The following ARAP2 variants were observed in gnomAD, a reference collection of about 807,000 sequenced individuals.
ARAP2 encodes the protein arf-GAP with Rho-GAP domain, ANK repeat and PH domain-containing protein 2.
ARAP2 carries 148 observed loss-of-function variants against 194.5 expected under a neutral mutation model. The observed-to-expected ratio is 0.76, with a 90% confidence interval of 0.67 to 0.87. ARAP2 has a LOEUF of 0.87. Ranked by LOEUF, ARAP2 falls within the 40% of genes least tolerant of loss-of-function variation. The pLI, the probability that ARAP2 is intolerant of heterozygous loss-of-function variation, is 0.00. For missense variants in ARAP2, 2,128 were observed against 1,989.7 expected, an observed-to-expected ratio of 1.07 and a Z score of -1.32; for synonymous variants, 695 against 683.5, an observed-to-expected ratio of 1.02 and a Z score of -0.26.
chr4:36,242,728 C>T (rs1753755577), intron 1 of ARAP2, among the ~76,000 whole-genome samples: 1 of 152,122 alleles, frequency 6.6e-6, no homozygotes, highest in Non-Finnish European at 1.5e-5. Context: ...TCAGCTTCTC[C>T]TTTTACAGAC....
rs1746524703 is a variant in ARAP2, at chr4:36,210,523, G to A, written c.1354C>T (p.Pro452Ser). The A allele has an allele frequency of 6.2e-7, 1 of 1,613,940 alleles. No homozygotes were observed. Among genetic ancestry groups the A allele is most frequent in the African/African-American group, 1.3e-5 (1 of 75,028 alleles). The change falls in exon 6 of 33, where the codon CCG becomes TCG. Residue 452 changes from proline (P) to serine (S), a missense_variant. Pro to Ser is a moderately conservative substitution (Grantham distance 74, BLOSUM62 -1). Coordinates refer to ENST00000303965, the MANE Select transcript of ARAP2 (RefSeq NM_015230.4). ...ILDSVNRHSY[P>S]LSSTSGNADS... ...GCATTTCCACTTGTTGAGCTTAACG[G>A]ATAACTGTGCCTATTAACGGAGTCC...
At chr4:36,040,074 A>G (rs1720588600) in intron 5 of ARAP2, among the ~76,000 whole-genome samples, 1 of 152,206 alleles carries the variant, frequency 6.6e-6, no homozygotes, top group African/African-American at 2.4e-5. Flanking sequence ...TGTGTACTCT[A>G]TGATTGCCCC....
Position 36,170,429 on chromosome 4 carries a change from G to A in ARAP2, c.1858-3382C>T, listed in dbSNP as rs540937836. Among the ~76,000 whole-genome samples the A allele has an allele frequency of 1.2e-4, 18 of 152,152 alleles. No individual in the cohort carries two copies. In the South Asian group the frequency reaches 3.1e-3, roughly 26 times the overall value. On this transcript the variant is annotated intron_variant, in intron 9 of 32. Coordinates refer to ENST00000303965, the MANE Select transcript of ARAP2 (RefSeq NM_015230.4). ...ATAGTGAGACCCTGTCTCTACAAAC[G>A]AAAACCAAAAAGACTCCATTTTATC... is the stretch of plus-strand genomic sequence containing the variant.
At chr4:36,169,741 C>T (rs1291436213) in intron 9 of ARAP2, among the ~76,000 whole-genome samples, 1 of 152,096 alleles carries the variant, frequency 6.6e-6, no homozygotes, top group African/African-American at 2.4e-5. Context: ...ACCATGTTGG[C>T]CAAGATGGTC....
chr4:36,116,977 A>G, intron 25 of ARAP2, 84 bp downstream of exon 25: 1 of 847,060 alleles, frequency 1.2e-6, no homozygotes, highest in Non-Finnish European at 1.7e-6. Context: ...ATAAAATATA[A>G]TAATGGAAAA....
chr4:36,021,695 T>C (rs1490196716), intron 5 of ARAP2, among the ~76,000 whole-genome samples: 1 of 152,178 alleles, frequency 6.6e-6, no homozygotes, highest in East Asian at 1.9e-4. Flanking sequence ...AGGTATTTTT[T>C]AATAGCAATG....
At chr4:36,133,444 T>C (rs1227208877) in intron 19 of ARAP2, 55 bp from the exon 20 acceptor site, 3 of 1,491,438 alleles carry the variant, frequency 2.0e-6, no homozygotes, top group African/African-American at 1.4e-5. Flanking sequence ...AAAAAAAATC[T>C]TACTCCAAGA....
intron 26 of ARAP2, among the ~76,000 whole-genome samples, chr4:36,111,086 G>T (rs575499929): frequency 7.5e-4 from 114 of 151,842 alleles, no homozygotes; most frequent in African/African-American, 2.7e-3. Context: ...GAGAACTCCT[G>T]GTTTAAAATA....
chr4:36,148,459 T>C lies in ARAP2; in HGVS notation c.2946A>G (p.Leu982=), dbSNP rs766878004. The C allele has an allele frequency of 1.2e-6, 2 of 1,613,230 alleles. No individual in the cohort carries two copies. Among genetic ancestry groups the C allele is most frequent in the Admixed American group, 3.3e-5 (2 of 59,950 alleles). Residue 982 remains leucine (L), a synonymous_variant, in exon 17 of 33, where the codon TTA becomes TTG. Transcript: ENST00000303965. ...GAGCTTGAGATGTTTCAGCTCCAAATAAAAACACACGTTCGGAGGGTAAGT... is the reference window on the plus strand; with the variant it reads ...GAGCTTGAGATGTTTCAGCTCCAAACAAAAACACACGTTCGGAGGGTAAGT... ...EIYLPSERVF[L]FGAETSQAQR...
intron 9 of ARAP2, among the ~76,000 whole-genome samples, chr4:36,176,515 C>G (rs992283014): frequency 6.6e-6 from 1 of 152,152 alleles, no homozygotes; most frequent in African/African-American, 2.4e-5. Flanking sequence ...GTCTTGCTAT[C>G]AGGTCTATGC....
At chr4:36,214,898 T>C (rs1747567788) in intron 2 of ARAP2, among the ~76,000 whole-genome samples, 1 of 152,196 alleles carries the variant, frequency 6.6e-6, no homozygotes, top group Admixed American at 6.5e-5. Context: ...TAGCTTTTTG[T>C]CTTTAGCTTT....
intron 27 of ARAP2, among the ~76,000 whole-genome samples, chr4:36,107,242 T>C (rs1718645016): frequency 6.6e-6 from 1 of 151,982 alleles, no homozygotes. Context: ...TAAATGTAAT[T>C]CACAGAGATG....
chr4:36,071,418 G>C (rs533974715), intron 32 of ARAP2, among the ~76,000 whole-genome samples: 1 of 152,260 alleles, frequency 6.6e-6, no homozygotes, highest in African/African-American at 2.4e-5. Flanking sequence ...CTCTTCATGT[G>C]TGATTTCCTC....
In ARAP2 at chr4:36,187,509, G is replaced by A. The variant is rs2109892346; in HGVS notation, c.1620C>T (p.Asp540=). The change falls in exon 8 of 33, where the codon GAC becomes GAT. Residue 540 remains aspartate, a synonymous_variant. Coordinates refer to ENST00000303965, the MANE Select transcript of ARAP2 (RefSeq NM_015230.4). ...GTGTTGTAACAACTTCAAATTTGTTGTCTCCTTGAACTCGTACTGTTGATA... is the reference window on the plus strand; with the variant it reads ...GTGTTGTAACAACTTCAAATTTGTTATCTCCTTGAACTCGTACTGTTGATA... ...SAISTVRVQG[D]NKFEVVTTQR... is the part of the protein sequence containing the mutation. 1 of 1,547,598 alleles carries A rather than the reference G, an allele frequency of 6.5e-7. No homozygotes were observed. The highest frequency in any genetic ancestry group is 2.3e-5 in the East Asian group (1 of 43,268).
At chr4:36,048,808 C>T (rs932192294) in intron 3 of ARAP2, among the ~76,000 whole-genome samples, 19 of 152,078 alleles carry the variant, frequency 1.2e-4, no homozygotes, top group Non-Finnish European at 2.2e-4. Context: ...CAATTAATTA[C>T]ATTAATTGAA....
At chr4:36,224,818 AT>A (rs1420419800) in intron 2 of ARAP2, among the ~76,000 whole-genome samples, 18 of 152,160 alleles carry the variant, frequency 1.2e-4, no homozygotes, top group Admixed American at 9.8e-4. Flanking sequence ...AAATGTTAAG[AT>A]TGCTAAGTAT....
chr4:36,054,145 C>G (rs1027362673), intron 2 of ARAP2, among the ~76,000 whole-genome samples: 2 of 152,176 alleles, frequency 1.3e-5, no homozygotes, highest in African/African-American at 4.8e-5. Context: ...GCCACTATAA[C>G]TGCTGGAATG....
chr4:36,162,040 G>GGA (rs1443766870), intron 11 of ARAP2, among the ~76,000 whole-genome samples: 2 of 151,274 alleles, frequency 1.3e-5, no homozygotes, highest in Non-Finnish European at 2.9e-5. Flanking sequence ...CCCGGGAGGC[G>GGA]GAGCTTGCAG....
Position 36,009,756 on chromosome 4 carries a change from T to C in ARAP2, n.1326-2710A>G, listed in dbSNP as rs1437348630. Among the ~76,000 whole-genome samples, 5 of 150,694 alleles carry C rather than the reference T, an allele frequency of 3.3e-5. No homozygotes were observed. In the East Asian group the frequency reaches 9.7e-4, roughly 29 times the overall value. ...GTACCTTCTCATTTCACTGAGAACA[T>C]CAATGCAGTTCTGATAGAAGCCAGG... On this transcript the variant is annotated intron_variant and non_coding_transcript_variant, in intron 9 of 12. Coordinates refer to the ARAP2 transcript ENST00000503225.
Sources: gnomAD v4.1 joint callset for allele counts (sites outside exome capture counted in the v4.1 genomes callset) on GRCh38, gnomAD v4.1.1 for gene constraint, MANE v1.5 for transcripts, NCBI Gene and HGNC (gene_info 2026-07-23, HGNC 2026-07-21) for gene names.